PDE8B: variants seen among roughly 807,000 people sequenced by gnomAD.
The protein encoded by PDE8B is high affinity cAMP-specific and IBMX-insensitive 3',5'-cyclic phosphodiesterase 8B.
Under a neutral mutation model 101.3 loss-of-function variants are expected in PDE8B, and 26 were observed. The ratio of observed to expected loss-of-function variants is 0.26; its 90% CI spans 0.19 to 0.36. PDE8B has a LOEUF of 0.36. PDE8B is among the 10% of genes least tolerant of loss of function. The pLI, the probability that PDE8B is intolerant of heterozygous loss-of-function variation, is 1.00. For missense variants in PDE8B, 810 were observed against 1,163.1 expected, an observed-to-expected ratio of 0.70 and a Z score of 4.42; for synonymous variants, 424 against 429.3, an observed-to-expected ratio of 0.99 and a Z score of 0.15.
At chr5:77,295,872 C>CATTCTCACAT (rs1160287338) in intron 1 of PDE8B, among the ~76,000 whole-genome samples, 8 of 152,310 alleles carry the variant, frequency 5.3e-5, no homozygotes, top group Middle Eastern at 3.4e-3. Flanking sequence ...GTGTTGCTTT[C>CATTCTCACAT]GTTCTCACAT....
intron 1 of PDE8B, among the ~76,000 whole-genome samples, chr5:77,250,166 G>A (rs777577578): frequency 6.6e-5 from 10 of 152,190 alleles, no homozygotes; most frequent in Non-Finnish European, 1.2e-4. Flanking sequence ...CTCTGTGCCA[G>A]GCTCTTGGGA....
chr5:77,252,124 C>A (rs1758186118), intron 1 of PDE8B, among the ~76,000 whole-genome samples: 1 of 152,178 alleles, frequency 6.6e-6, no homozygotes, highest in African/African-American at 2.4e-5. Flanking sequence ...ATTCTGAGTG[C>A]AAGGCTTGAG....
chr5:77,385,996 C>T (rs1788523195), intron 10 of PDE8B, among the ~76,000 whole-genome samples: 2 of 151,978 alleles, frequency 1.3e-5, no homozygotes, highest in African/African-American at 4.8e-5. Context: ...ACTATGTTGG[C>T]CAGGCTTGTC....
chr5:77,363,477 G>C (rs1402425312), intron 10 of PDE8B, among the ~76,000 whole-genome samples: 2 of 152,096 alleles, frequency 1.3e-5, no homozygotes, highest in Non-Finnish European at 2.9e-5. Context: ...ACTTTGGGAG[G>C]CCGAGGTGGG....
chr5:77,391,839 G>C (rs192144944), intron 10 of PDE8B, among the ~76,000 whole-genome samples: 1 of 152,308 alleles, frequency 6.6e-6, no homozygotes, highest in African/African-American at 2.4e-5. Context: ...AAAGGAGAGA[G>C]GCGTTTTGAT....
At chr5:77,152,460 G>A in the PDE8B span, among the ~76,000 whole-genome samples, 3 of 152,128 alleles carry the variant, frequency 2.0e-5, no homozygotes, top group Non-Finnish European at 2.9e-5. Context: ...TCCTTATGGC[G>A]GGGAGTGGCC....
chr5:77,123,829 AAAG>A, the PDE8B span, among the ~76,000 whole-genome samples: 1 of 152,350 alleles, frequency 6.6e-6, no homozygotes, highest in East Asian at 1.9e-4. Context: ...ACTTTCAAGG[AAAG>A]AATAGTTCTG....
At position 77,310,018 on chromosome 5, in the gene PDE8B, C is replaced by T. The variant is rs184766015; in HGVS notation, c.340-1976C>T. Among the ~76,000 whole-genome samples, 31 of 118,956 alleles carry T rather than the reference C, an allele frequency of 2.6e-4. No homozygotes were observed. The East Asian group carries it at 4.0e-3, about 16-fold the overall frequency. 78.0% of individuals were successfully genotyped at this position (118,956 alleles called of 152,430 possible). A position where few individuals can be genotyped will look rare whatever the true frequency, so the allele number is the denominator to read the frequency against. ...AGGCTGGAGCGCAATGGCACGGTTT[C>T]GGCTTACTGCAACCTCTGCCTCCCA... On this transcript the variant is annotated intron_variant, in intron 1 of 21. Coordinates refer to ENST00000264917, the MANE Select transcript of PDE8B (RefSeq NM_003719.5).
chr5:77,426,061 G>A (rs1798048424), intron 21 of PDE8B, 165 bp downstream of exon 21: 1 of 689,392 alleles, frequency 1.5e-6, no homozygotes, highest in Admixed American at 2.1e-5. Flanking sequence ...TGCATCCCCA[G>A]CAGCTGGCAC....
Position 77,210,821 on chromosome 5 carries a change from G to A in PDE8B, c.-105G>A. ...GGACACACAGGCCGGGGGGCGCGCA[G>A]TCCGGGCGCCGCCGCGGCCGCCCCC... On this transcript the variant is annotated 5_prime_UTR_variant, in exon 1 of 22. Coordinates refer to ENST00000264917, the MANE Select transcript of PDE8B (RefSeq NM_003719.5). This position sits in a 1 kb window ranked among gnomAD's most constrained non-coding sequence, Gnocchi z 4.9. The A allele has an allele frequency of 1.0e-6, 1 of 987,810 alleles. No individual in the cohort carries two copies. Among genetic ancestry groups the A allele is most frequent in the Non-Finnish European group, 1.2e-6 (1 of 833,148 alleles). The allele number at this position is 987,810 out of a possible 1,614,324, so 61.2% of individuals were successfully genotyped here. A position where few individuals can be genotyped will look rare whatever the true frequency, so the allele number is the denominator to read the frequency against.
At chr5:77,400,415 G>A (rs531233942) in intron 11 of PDE8B, 125 bp downstream of exon 11, 80 of 736,774 alleles carry the variant, frequency 1.1e-4, no homozygotes, top group African/African-American at 9.5e-4. Context: ...TAAAATCCAC[G>A]TGCTCATATC....
In PDE8B at chr5:77,426,473, A is replaced by G; in HGVS notation, c.2577A>G (p.Gln859=). ...DAFAHLPALM[Q]HLADNYKHWK... is the part of the protein sequence containing the mutation. Reference sequence around the variant, plus strand: ...TTGCACATCTGCCAGCCCTGATGCAACATTTGGCTGACAACTACAAACACT... The same window carrying G: ...TTGCACATCTGCCAGCCCTGATGCAGCATTTGGCTGACAACTACAAACACT... Residue 859 remains glutamine (Q), a synonymous_variant, in exon 22 of 22, where the codon CAA becomes CAG. Transcript: ENST00000264917. 1 of 1,613,452 alleles carries G rather than the reference A, an allele frequency of 6.2e-7. No individual in the cohort carries two copies. Among genetic ancestry groups the G allele is most frequent in the Non-Finnish European group, 8.5e-7 (1 of 1,179,410 alleles).
intron 20 of PDE8B, among the ~76,000 whole-genome samples, chr5:77,422,573 G>T (rs1796897694): frequency 6.6e-6 from 1 of 152,150 alleles, no homozygotes; most frequent in East Asian, 1.9e-4. Context: ...AGGGGAAATA[G>T]AATTTTTATA....
At chr5:77,260,582 A>ATTTTTTTT (rs34008487) in intron 1 of PDE8B, among the ~76,000 whole-genome samples, 5 of 114,930 alleles carry the variant, frequency 4.4e-5, no homozygotes, top group African/African-American at 6.8e-5. Context: ...ACTGTGGCTC[A>ATTTTTTTT]TTTTTTTTTT....
chr5:77,278,530 C>T (rs564968696), intron 1 of PDE8B, among the ~76,000 whole-genome samples: 2 of 152,204 alleles, frequency 1.3e-5, no homozygotes, highest in African/African-American at 4.8e-5. Flanking sequence ...AGTGCAGTGG[C>T]GCGATCTTGT....
chr5:77,103,920 A>G, the PDE8B span, among the ~76,000 whole-genome samples: 1 of 152,254 alleles, frequency 6.6e-6, no homozygotes, highest in Non-Finnish European at 1.5e-5. Flanking sequence ...GAAAGCTTCC[A>G]CACTAGTGTT....
At chr5:77,093,015 G>A in the PDE8B span, among the ~76,000 whole-genome samples, 1 of 152,176 alleles carries the variant, frequency 6.6e-6, no homozygotes, top group Non-Finnish European at 1.5e-5. Context: ...CACTGTTCTG[G>A]TGCATCCCAG....
At chr5:77,395,930 A>G (rs1378562473) in intron 10 of PDE8B, among the ~76,000 whole-genome samples, 1 of 152,034 alleles carries the variant, frequency 6.6e-6, no homozygotes, top group Admixed American at 6.5e-5. Context: ...AACAGATCTG[A>G]CAGAGGCTTT....
At chr5:77,252,276 G>A (rs887544006) in intron 1 of PDE8B, among the ~76,000 whole-genome samples, 4 of 152,190 alleles carry the variant, frequency 2.6e-5, no homozygotes, top group African/African-American at 9.7e-5. Flanking sequence ...CACTTTTGGT[G>A]TCCCTGGCTT....
Sources: allele counts gnomAD v4.1 joint callset (sites outside exome capture counted in the v4.1 genomes callset), GRCh38; gene constraint gnomAD v4.1.1; non-coding constraint Gnocchi (gnomAD v3.1); transcripts MANE v1.5; gene names NCBI Gene and HGNC (gene_info 2026-07-23, HGNC 2026-07-21).